SEMA3A: variants seen among roughly 807,000 people sequenced by gnomAD.
SEMA3A encodes semaphorin 3A.
In SEMA3A, 29 loss-of-function variants were observed where a neutral mutation model predicts 97.9. The ratio of observed to expected loss-of-function variants is 0.30; its 90% CI spans 0.22 to 0.40. SEMA3A has a LOEUF of 0.40. Among genes scored for constraint, SEMA3A ranks in the 10% least tolerant of loss-of-function variants. The probability of loss-of-function intolerance (pLI) is 1.00; values close to 1 mark genes in which losing one functional copy is unlikely to be tolerated. For synonymous variants in SEMA3A, 321 were observed against 323.7 expected, an observed-to-expected ratio of 0.99 and a Z score of 0.09; for missense variants, 763 against 951.3, an observed-to-expected ratio of 0.80 and a Z score of 2.60.
intron 1 of SEMA3A, among the ~76,000 whole-genome samples, chr7:84,388,647 A>G (rs1411022860): frequency 6.6e-6 from 1 of 151,992 alleles, no homozygotes; most frequent in Non-Finnish European, 1.5e-5. Context: ...CTTTTTTTAC[A>G]TGTTTTCTAT....
intron 1 of SEMA3A, among the ~76,000 whole-genome samples, chr7:84,188,792 C>T (rs11971838): frequency 0.054 from 8,176 of 151,894 alleles, 288 homozygotes; most frequent in Middle Eastern, 0.065. Flanking sequence ...TTGCTTTTTA[C>T]TTAGAAATAT....
chr7:84,376,341 G>A (rs1438458891), intron 1 of SEMA3A, among the ~76,000 whole-genome samples: 1 of 115,460 alleles, frequency 8.7e-6, no homozygotes, highest in Non-Finnish European at 1.9e-5. Flanking sequence ...GGTGGCTCAC[G>A]CCTGTAATCC....
At chr7:83,988,472 G>A (rs934732684) in intron 12 of SEMA3A, among the ~76,000 whole-genome samples, 4 of 151,990 alleles carry the variant, frequency 2.6e-5, no homozygotes, top group South Asian at 2.1e-4. Context: ...CTCGTGATCC[G>A]CCACCTCAGC....
At chr7:84,063,152 G>C (rs565029097) in intron 4 of SEMA3A, among the ~76,000 whole-genome samples, 30 of 151,990 alleles carry the variant, frequency 2.0e-4, no homozygotes, top group African/African-American at 6.5e-4. Flanking sequence ...CCCCCAAGCA[G>C]GGGCACACTG....
At chr7:84,124,020 G>C (rs1255764337) in intron 3 of SEMA3A, among the ~76,000 whole-genome samples, 1 of 151,990 alleles carries the variant, frequency 6.6e-6, no homozygotes, top group South Asian at 2.1e-4. Context: ...ATGCGGAGAC[G>C]TTTCACTTTT....
chr7:84,423,688 C>G (rs995142371), intron 1 of SEMA3A, among the ~76,000 whole-genome samples: 1 of 151,936 alleles, frequency 6.6e-6, no homozygotes, highest in Admixed American at 6.6e-5. Flanking sequence ...GGAGAGCAAA[C>G]ATTTTACCTG....
intron 1 of SEMA3A, among the ~76,000 whole-genome samples, chr7:84,492,008 A>T (rs1383664504): frequency 6.6e-6 from 1 of 152,146 alleles, no homozygotes; most frequent in Admixed American, 6.6e-5. Flanking sequence ...ATTATACGCA[A>T]ATTCCTCACA....
chr7:84,023,172 G>GA (rs1363408690), intron 6 of SEMA3A, among the ~76,000 whole-genome samples: 1 of 152,178 alleles, frequency 6.6e-6, no homozygotes, highest in African/African-American at 2.4e-5. Flanking sequence ...TACACTTAAT[G>GA]AAAATGACAC....
chr7:84,253,343 T>C (rs895024465), intron 3 of SEMA3A, among the ~76,000 whole-genome samples: 3 of 151,698 alleles, frequency 2.0e-5, no homozygotes, highest in African/African-American at 7.3e-5. Flanking sequence ...TTATATGGAT[T>C]CTCTAGCCTG....
intron 15 of SEMA3A, among the ~76,000 whole-genome samples, chr7:83,968,912 A>G (rs190414383): frequency 0.026 from 3,868 of 149,508 alleles, 97 homozygotes; most frequent in Middle Eastern, 0.052. Flanking sequence ...CCAGGTTCAA[A>G]CAATTCTCCT....
At chr7:83,995,344 A>G (rs1639582) in intron 12 of SEMA3A, among the ~76,000 whole-genome samples, 114,728 of 151,960 alleles carry the variant, frequency 0.75, 43,492 homozygotes, top group East Asian at 0.89. Context: ...TCCTCCCCCC[A>G]ATAAAAATTA....
At chr7:84,135,359 C>T (rs1796094490) in intron 1 of SEMA3A, among the ~76,000 whole-genome samples, 1 of 152,014 alleles carries the variant, frequency 6.6e-6, no homozygotes, top group African/African-American at 2.4e-5. Context: ...GATCCTCCTG[C>T]CTCGGCCTCC....
chr7:84,182,795 G>A (rs554339812), intron 1 of SEMA3A, among the ~76,000 whole-genome samples: 2 of 152,162 alleles, frequency 1.3e-5, no homozygotes, highest in South Asian at 2.1e-4. Context: ...TTTTTCATCA[G>A]TTGTTTACTT....
intron 1 of SEMA3A, among the ~76,000 whole-genome samples, chr7:84,151,009 A>T (rs534102373): frequency 6.7e-6 from 1 of 148,680 alleles, no homozygotes; most frequent in South Asian, 2.2e-4. Context: ...GGGTACTCCA[A>T]CAGACCTGCA....
At chr7:84,258,463 C>T (rs1799766219) in intron 3 of SEMA3A, among the ~76,000 whole-genome samples, 1 of 152,018 alleles carries the variant, frequency 6.6e-6, no homozygotes, top group African/African-American at 2.4e-5. Context: ...GATTTATATG[C>T]TGTATTTTGA....
intron 2 of SEMA3A, among the ~76,000 whole-genome samples, chr7:84,361,048 T>G (rs1227741086): frequency 6.6e-6 from 1 of 152,124 alleles, no homozygotes; most frequent in Non-Finnish European, 1.5e-5. Context: ...TTTCCATTTT[T>G]TTCTGTTGAA....
intron 1 of SEMA3A, among the ~76,000 whole-genome samples, chr7:84,414,318 A>G (rs1263628428): frequency 6.6e-6 from 1 of 151,992 alleles, no homozygotes; most frequent in Non-Finnish European, 1.5e-5. Flanking sequence ...AGAGTGAAAA[A>G]TTTGGTTGTG....
chr7:84,418,529 G>GAAT (rs1228644176), intron 1 of SEMA3A, among the ~76,000 whole-genome samples: 6 of 152,134 alleles, frequency 3.9e-5, no homozygotes, highest in Non-Finnish European at 8.8e-5. Context: ...CTCAATGTGG[G>GAAT]TGGGCACCCT....
At chr7:84,178,377 G>A (rs1797639483) in intron 1 of SEMA3A, among the ~76,000 whole-genome samples, 1 of 152,070 alleles carries the variant, frequency 6.6e-6, no homozygotes, top group African/African-American at 2.4e-5. Context: ...CCTTTGCTGA[G>A]TGCTCCCTGT....
Sources: allele counts gnomAD v4.1 joint callset (sites outside exome capture counted in the v4.1 genomes callset), GRCh38; gene constraint gnomAD v4.1.1; transcripts MANE v1.5; gene names NCBI Gene and HGNC (gene_info 2026-07-23, HGNC 2026-07-21).